The following PSD3 variants were observed in gnomAD, a reference collection of about 807,000 sequenced individuals.
PSD3 encodes pleckstrin and Sec7 domain containing 3.
In PSD3, 49 loss-of-function variants were observed where a neutral mutation model predicts 105.5. The ratio of observed to expected loss-of-function variants is 0.46; its 90% CI spans 0.37 to 0.59. The LOEUF is 0.59. PSD3 is among the 20% of genes least tolerant of loss of function. The pLI is 0.00. For missense variants in PSD3, 1,561 were observed against 1,263.8 expected (o/e 1.24, Z -3.57); for synonymous variants, 557 against 457.8 (o/e 1.22, Z -2.77).
chr8:18,908,407 G>T (rs1162195868), intron 2 of PSD3, among the ~76,000 whole-genome samples: 6 of 152,052 alleles, frequency 3.9e-5, no homozygotes, highest in Non-Finnish European at 8.8e-5. Flanking sequence ...TCAGTCTCAG[G>T]TCTTTTTAGA....
chr8:18,656,358 G>GTT (rs1808892629), intron 9 of PSD3, among the ~76,000 whole-genome samples: 2 of 108,264 alleles, frequency 1.8e-5, no homozygotes, highest in Non-Finnish European at 3.8e-5. Context: ...GTGTCTGGCT[G>GTT]CTTTTTTTTT....
intron 9 of PSD3, among the ~76,000 whole-genome samples, chr8:18,754,914 G>C (rs1328494097): frequency 6.6e-6 from 1 of 152,038 alleles, no homozygotes; most frequent in African/African-American, 2.4e-5. Context: ...ACCATGTTCA[G>C]GATAGAATAT....
At chr8:18,904,178 C>T (rs541495647) in intron 2 of PSD3, among the ~76,000 whole-genome samples, 1 of 152,010 alleles carries the variant, frequency 6.6e-6, no homozygotes, top group East Asian at 1.9e-4. Flanking sequence ...AGAGAGGGAA[C>T]AAGAGAGAGA....
intron 3 of PSD3, among the ~76,000 whole-genome samples, chr8:18,869,682 G>A (rs983773418): frequency 1.1e-4 from 17 of 152,186 alleles, no homozygotes; most frequent in Non-Finnish European, 1.0e-4. Flanking sequence ...ACGTCTCAGT[G>A]TAATTTCCAT....
At chr8:19,011,147 A>T (rs909402066) in intron 1 of PSD3, among the ~76,000 whole-genome samples, 1 of 152,162 alleles carries the variant, frequency 6.6e-6, no homozygotes, top group Non-Finnish European at 1.5e-5. Context: ...CACTCTTTTC[A>T]TAATGTCCAA....
At chr8:18,722,637 G>A (rs1803064855) in intron 9 of PSD3, among the ~76,000 whole-genome samples, 1 of 152,162 alleles carries the variant, frequency 6.6e-6, no homozygotes, top group African/African-American at 2.4e-5. Flanking sequence ...AGAGAAAGAT[G>A]TCAATCTCAT....
intron 8 of PSD3, among the ~76,000 whole-genome samples, chr8:18,796,326 G>C (rs1810174329): frequency 6.6e-6 from 1 of 152,080 alleles, no homozygotes; most frequent in South Asian, 2.1e-4. Context: ...TGACTAATGA[G>C]GTCAGCCTAG....
chr8:18,860,526 A>G (rs2129455170), intron 4 of PSD3, among the ~76,000 whole-genome samples: 1 of 152,284 alleles, frequency 6.6e-6, no homozygotes, highest in South Asian at 2.1e-4. Flanking sequence ...GTTTGCCTGT[A>G]GCTCTGTATT....
At chr8:18,916,301 T>C (rs1403187992) in intron 2 of PSD3, among the ~76,000 whole-genome samples, 1 of 496 alleles carries the variant, frequency 2.0e-3, no homozygotes, top group Non-Finnish European at 3.9e-3. Context: ...AAAAGTGATA[T>C]ATATATATAT....
intron 11 of PSD3, among the ~76,000 whole-genome samples, chr8:18,613,421 G>A (rs532882493): frequency 6.6e-6 from 1 of 152,050 alleles, no homozygotes; most frequent in African/African-American, 2.4e-5. Flanking sequence ...CTGTTAGCAG[G>A]ACTCTTATCT....
chr8:19,045,021 C>G (rs1362381679), intron 1 of PSD3, among the ~76,000 whole-genome samples: 1 of 152,078 alleles, frequency 6.6e-6, no homozygotes, highest in Non-Finnish European at 1.5e-5. Context: ...CCTGTCTATA[C>G]TAAAAATACA....
intron 8 of PSD3, among the ~76,000 whole-genome samples, chr8:18,787,714 A>T (rs1469140811): frequency 6.6e-6 from 1 of 152,126 alleles, no homozygotes; most frequent in Non-Finnish European, 1.5e-5. Context: ...TGATAAAAAG[A>T]TGTTTTCTCT....
chr8:18,865,170 C>A (rs1228456518), intron 4 of PSD3: 1 of 139,118 alleles, frequency 7.2e-6, no homozygotes, highest in Non-Finnish European at 1.5e-5. Context: ...TGTCACAAGA[C>A]AGCCACGTGG....
intron 1 of PSD3, among the ~76,000 whole-genome samples, chr8:18,981,993 A>T (rs886788074): frequency 1.3e-5 from 2 of 152,236 alleles, no homozygotes; most frequent in Admixed American, 1.3e-4. Context: ...TCTCTGTAGC[A>T]TACAATGTTG....
intron 8 of PSD3, among the ~76,000 whole-genome samples, chr8:18,785,881 A>G (rs192549206): frequency 5.6e-4 from 86 of 152,306 alleles, no homozygotes; most frequent in African/African-American, 1.8e-3. Context: ...CAGTCAAAAC[A>G]TATATATTTA....
chr8:18,796,939 G>T (rs937354737), intron 8 of PSD3, among the ~76,000 whole-genome samples: 6 of 152,062 alleles, frequency 3.9e-5, no homozygotes, highest in African/African-American at 1.2e-4. Context: ...TTTATCTCCT[G>T]CATGATTCGA....
At chr8:18,933,317 A>C (rs983404533) in intron 2 of PSD3, among the ~76,000 whole-genome samples, 4 of 152,158 alleles carry the variant, frequency 2.6e-5, no homozygotes, top group Admixed American at 1.3e-4. Context: ...TCACCAAATA[A>C]GGCAGAGAAC....
chr8:18,556,422 T>TA (rs1801078883), intron 14 of PSD3, 70 bp from the exon 15 acceptor site: 4 of 1,489,368 alleles, frequency 2.7e-6, no homozygotes, highest in Admixed American at 2.0e-5. Context: ...CAGCATACTT[T>TA]AAAAAATCCC....
intron 13 of PSD3, 67 bp downstream of exon 13, chr8:18,575,060 GT>G: frequency 6.8e-7 from 1 of 1,473,854 alleles, no homozygotes; most frequent in Non-Finnish European, 9.1e-7. Flanking sequence ...GCTTGATTTT[GT>G]TCCTTGCAAT....
Sources: allele counts gnomAD v4.1 joint callset (sites outside exome capture counted in the v4.1 genomes callset), GRCh38; gene constraint gnomAD v4.1.1; transcripts MANE v1.5; gene names NCBI Gene and HGNC (gene_info 2026-07-23, HGNC 2026-07-21).